SELENOO: variants seen among roughly 807,000 people sequenced by gnomAD.
SELENOO encodes the protein protein adenylyltransferase SelO, mitochondrial.
In SELENOO, 74 loss-of-function variants were observed where a neutral mutation model predicts 58.7. That is an observed-to-expected ratio of 1.26 (90% CI 1.04 to 1.53). The LOEUF is 1.53. SELENOO is among the 40% of genes most tolerant of loss of function. The pLI is 0.00. For missense variants in SELENOO, 1,149 were observed against 970.0 expected (o/e 1.18, Z -2.45); for synonymous variants, 543 against 453.2 (o/e 1.20, Z -2.52).
At chr22:50,215,983 C>A in intron 6 of SELENOO, 116 bp downstream of exon 6, 1 of 876,184 alleles carries the variant, frequency 1.1e-6, no homozygotes, top group Non-Finnish European at 1.7e-6. Context: ...GTGGCTGCTC[C>A]GCTCCCAGGG....
rs1200026364 is a variant in SELENOO, at chr22:50,206,319, A to G, written c.557A>G (p.Gln186Arg). Residue 186 changes from glutamine to arginine, a missense_variant and splice_region_variant, in exon 2 of 9, where the codon CAG (glutamine) becomes CGG (arginine). Physicochemically the swap from Gln to Arg is conservative, Grantham distance 43. Transcript: ENST00000380903. ...GTGAACTCTGTGTTTGGTTTCAGAC[A>G]GGCCGACGGTCGCAAGGTCCTACGG... Reference protein sequence around the residue: ...KGAGPTPFSRQADGRKVLRSS... With the variant: ...KGAGPTPFSRRADGRKVLRSS... 1 of 1,613,554 alleles carries G rather than the reference A, an allele frequency of 6.2e-7. No homozygotes were observed. The highest frequency in any genetic ancestry group is 8.5e-7 in the Non-Finnish European group (1 of 1,179,932).
intron 1 of SELENOO, 130 bp from the exon 2 acceptor site, chr22:50,206,187 C>T (rs751058564): frequency 3.9e-5 from 28 of 721,344 alleles, no homozygotes; most frequent in Admixed American, 1.6e-4. Context: ...TCACCTGGGA[C>T]GGGCGGTTTT....
chr22:50,211,101 C>T lies in SELENOO; in HGVS notation c.1351+190C>T, dbSNP rs551375200. 3.9e-5 allele frequency among the ~76,000 whole-genome samples: 6 copies of T among 152,162 alleles called. No individual in the cohort carries two copies. The East Asian group carries it at 5.8e-4, about 15-fold the overall frequency. On this transcript the variant is annotated intron_variant, in intron 5 of 8. Coordinates refer to ENST00000380903, the MANE Select transcript of SELENOO (RefSeq NM_031454.2). ...AGGACCTGCTGCGAGTGGAGTCATA[C>T]GGTGCTTGTTCTGTAGTGACTGCTT...
At chr22:50,206,651 C>G in intron 2 of SELENOO, 131 bp downstream of exon 2, 2 of 788,784 alleles carry the variant, frequency 2.5e-6, no homozygotes, top group Non-Finnish European at 4.0e-6. Context: ...AAAGTCCAGC[C>G]TGTCCCTGGC....
intron 4 of SELENOO, 122 bp from the exon 5 acceptor site, chr22:50,210,509 G>T: frequency 6.9e-7 from 1 of 1,458,652 alleles, no homozygotes; most frequent in Non-Finnish European, 9.4e-7. Flanking sequence ...ACCCCTGTGG[G>T]ACAGGGCCAG....
At chr22:50,214,679 T>A (rs1466695545) in intron 5 of SELENOO, among the ~76,000 whole-genome samples, 1 of 151,862 alleles carries the variant, frequency 6.6e-6, no homozygotes, top group Non-Finnish European at 1.5e-5. Flanking sequence ...GTAGGAGAAT[T>A]GCTGGAACCC....
At chr22:50,216,359 G>A (rs1285549966) in intron 6 of SELENOO, among the ~76,000 whole-genome samples, 1 of 152,380 alleles carries the variant, frequency 6.6e-6, no homozygotes, top group East Asian at 1.9e-4. Context: ...CTGCCCACCT[G>A]GACCCTTCTG....
chr22:50,212,615 C>T (rs2064378056), intron 5 of SELENOO, among the ~76,000 whole-genome samples: 1 of 152,202 alleles, frequency 6.6e-6, no homozygotes, highest in Non-Finnish European at 1.5e-5. Flanking sequence ...TCCCCATTCC[C>T]CTCCCTGCAG....
chr22:50,210,395 G>C (rs1007004103), intron 4 of SELENOO, 84 bp downstream of exon 4: 1 of 1,526,026 alleles, frequency 6.6e-7, no homozygotes, highest in African/African-American at 1.4e-5. Flanking sequence ...CCCAGGCACT[G>C]GCCCGTGATG....
intron 3 of SELENOO, 110 bp from the exon 4 acceptor site, chr22:50,210,071 G>A (rs1569102577): frequency 7.5e-6 from 10 of 1,329,060 alleles, no homozygotes; most frequent in Non-Finnish European, 9.3e-6. Context: ...ACTGCAGAGT[G>A]AGAGCCACTC....
intron 1 of SELENOO, chr22:50,205,798 G>C (rs1446172696): frequency 6.3e-6 from 1 of 159,264 alleles, no homozygotes; most frequent in African/African-American, 2.4e-5. Flanking sequence ...AAGTGGCTGA[G>C]TGGCCTGAGG....
chr22:50,216,721 G>C lies in SELENOO; in HGVS notation c.1533G>C (p.Gln511His). ...RQLSMMLMLA[Q>H]SNPQLFALMG... ...TATCCATGATGCTGATGCTGGCGCAGTCAAACCCGCAGCTGTTCGCGCTTA... is the reference window on the plus strand; with the variant it reads ...TATCCATGATGCTGATGCTGGCGCACTCAAACCCGCAGCTGTTCGCGCTTA... Residue 511 changes from glutamine to histidine, a missense_variant, in exon 7 of 9, where the codon CAG becomes CAC. Physicochemically the swap from Gln to His is conservative, Grantham distance 24. Transcript: ENST00000380903. 1 of 1,601,546 alleles carries C rather than the reference G, an allele frequency of 6.2e-7. No homozygotes were observed.
At chr22:50,211,278 G>T (rs762812354) in intron 5 of SELENOO, among the ~76,000 whole-genome samples, 2 of 152,148 alleles carry the variant, frequency 1.3e-5, no homozygotes, top group Non-Finnish European at 2.9e-5. Context: ...TGGCTGTTGC[G>T]TACGGTGCAC....
rs1055980463 is a variant in SELENOO, at chr22:50,206,318, C to G, written c.556C>G (p.Gln186Glu). 1 of 1,613,450 alleles carries G rather than the reference C, an allele frequency of 6.2e-7. No homozygotes were observed. The highest frequency in any genetic ancestry group is 8.5e-7 in the Non-Finnish European group (1 of 1,179,900). The change falls in exon 2 of 9, where the codon CAG (glutamine) becomes GAG (glutamate). Residue 186 changes from glutamine (Q) to glutamate (E), a missense_variant and splice_region_variant. Transcript: ENST00000380903. Reference protein sequence around the residue: ...KGAGPTPFSRQADGRKVLRSS... With the variant: ...KGAGPTPFSREADGRKVLRSS... The stretch of plus-strand genomic sequence containing the variant: ...AGTGAACTCTGTGTTTGGTTTCAGA[C>G]AGGCCGACGGTCGCAAGGTCCTACG...
At chr22:50,213,320 G>C (rs2064384804) in intron 5 of SELENOO, among the ~76,000 whole-genome samples, 1 of 152,088 alleles carries the variant, frequency 6.6e-6, no homozygotes, top group African/African-American at 2.4e-5. Context: ...GCCTCCCAAA[G>C]TGCTGGGATT....
In SELENOO at chr22:50,210,830, A is replaced by T; in HGVS notation, c.1270A>T (p.Arg424Trp). 1 of 1,614,120 alleles carries T rather than the reference A, an allele frequency of 6.2e-7. No homozygotes were observed. Among genetic ancestry groups the T allele is most frequent in the Non-Finnish European group, 8.5e-7 (1 of 1,180,030 alleles). Reference protein sequence around the residue: ...FQRHYLQKMRRKLGLVQVELE... With the variant: ...FQRHYLQKMRWKLGLVQVELE... ...AAGGCACTACCTGCAGAAGATGCGCAGGAAGCTGGGCCTCGTGCAGGTGGA... is the reference window on the plus strand; with the variant it reads ...AAGGCACTACCTGCAGAAGATGCGCTGGAAGCTGGGCCTCGTGCAGGTGGA... The change falls in exon 5 of 9, where the codon AGG becomes TGG. Residue 424 changes from arginine (R) to tryptophan (W), a missense_variant. Arg to Trp is a moderately radical substitution (Grantham distance 101). Transcript: ENST00000380903.
chr22:50,208,641 C>G lies in SELENOO; in HGVS notation c.864C>G (p.Ile288Met). Reference protein sequence around the residue: ...DIRVQLLDYVISSFYPEIQAA... With the variant: ...DIRVQLLDYVMSSFYPEIQAA... ...GAGTGCAGCTGCTCGACTATGTCAT[C>G]AGCTCCTTTTACCCCGAGATCCAGG... The change falls in exon 3 of 9, where the codon ATC becomes ATG. Residue 288 changes from isoleucine (I) to methionine (M), a missense_variant. Transcript: ENST00000380903. The G allele has an allele frequency of 6.2e-7, 1 of 1,613,916 alleles. No homozygotes were observed. The highest frequency in any genetic ancestry group is 8.5e-7 in the Non-Finnish European group (1 of 1,180,012).
chr22:50,202,011 A>AG (rs2064305876), intron 1 of SELENOO, among the ~76,000 whole-genome samples: 1 of 152,124 alleles, frequency 6.6e-6, no homozygotes, highest in Non-Finnish European at 1.5e-5. Context: ...CCCCGAAGTG[A>AG]GGTGGGCATC....
In SELENOO at chr22:50,217,307, C is replaced by G; in HGVS notation, c.1948C>G (p.Arg650Gly). The G allele has an allele frequency of 3.7e-6, 6 of 1,612,742 alleles. No individual in the cohort carries two copies. Among genetic ancestry groups the G allele is most frequent in the Non-Finnish European group, 5.1e-6 (6 of 1,179,902 alleles). ...AGCCGACGGGGCGGACGGCAGGCAG[C>G]GCTCCTACAGCAGTAAGCCCCCGCT... ...TEADGADGRQ[R>G]SYSSKPPLWA... is the part of the protein sequence containing the mutation. Residue 650 changes from arginine (R) to glycine (G), a missense_variant, in exon 9 of 9, where the codon CGC (arginine) becomes GGC (glycine). Arg to Gly is a moderately radical substitution (Grantham distance 125, BLOSUM62 -2). Coordinates refer to ENST00000380903, the MANE Select transcript of SELENOO (RefSeq NM_031454.2).
Sources: gnomAD v4.1 joint callset for allele counts (sites outside exome capture counted in the v4.1 genomes callset) on GRCh38, gnomAD v4.1.1 for gene constraint, MANE v1.5 for transcripts, NCBI Gene and HGNC (gene_info 2026-07-23, HGNC 2026-07-21) for gene names.